Variants in EIPR1 observed in about 807,000 individuals in gnomAD.
EIPR1 encodes the protein EARP complex and GARP complex interacting protein 1.
A neutral mutation model predicts 48.1 loss-of-function variants in EIPR1; 25 were observed. The ratio of observed to expected loss-of-function variants is 0.52; its 90% CI spans 0.38 to 0.73. The LOEUF (loss-of-function observed/expected upper bound fraction) is 0.73, where lower values mean the gene tolerates loss of function less well. Among genes scored for constraint, EIPR1 ranks in the 30% least tolerant of loss-of-function variants. EIPR1 has a pLI of 0.00. For missense variants in EIPR1, 415 were observed against 506.2 expected, an observed-to-expected ratio of 0.82 and a Z score of 1.73; for synonymous variants, 204 against 201.9, an observed-to-expected ratio of 1.01 and a Z score of -0.09.
At chr2:3,202,232 C>T (rs367643717) in intron 5 of EIPR1, among the ~76,000 whole-genome samples, 17 of 152,364 alleles carry the variant, frequency 1.1e-4, no homozygotes, top group African/African-American at 3.1e-4. Context: ...CCACCGCACC[C>T]GGCCTAGGTT....
intron 3 of EIPR1, among the ~76,000 whole-genome samples, chr2:3,268,715 G>A (rs76834046): frequency 0.049 from 7,428 of 152,180 alleles, 592 homozygotes; most frequent in African/African-American, 0.17. Flanking sequence ...GGAAGCTTTG[G>A]GCACCTCAGA....
chr2:3,249,981 G>T (rs541963226), intron 4 of EIPR1, among the ~76,000 whole-genome samples: 1 of 152,350 alleles, frequency 6.6e-6, no homozygotes, highest in South Asian at 2.1e-4. Flanking sequence ...GGAAAGCCTG[G>T]GTGCCCAGGC....
At chr2:3,214,280 T>G in intron 4 of EIPR1, 32 bp from the exon 5 acceptor site, 4 of 1,587,030 alleles carry the variant, frequency 2.5e-6, no homozygotes, top group Non-Finnish European at 3.5e-6. Context: ...AATGTTAACA[T>G]AAACATTTGA....
At chr2:3,275,182 G>A (rs1466116356) in intron 3 of EIPR1, among the ~76,000 whole-genome samples, 1 of 151,560 alleles carries the variant, frequency 6.6e-6, no homozygotes, top group African/African-American at 2.4e-5. Flanking sequence ...TCCCTAAAAC[G>A]TAATGACACA....
chr2:3,337,124 A>AAGGGAAGGGAAC (rs1336983235), intron 3 of EIPR1, among the ~76,000 whole-genome samples: 2 of 150,192 alleles, frequency 1.3e-5, no homozygotes, highest in Non-Finnish European at 3.0e-5. Flanking sequence ...GAAAAGGGAA[A>AAGGGAAGGGAAC]AGGGAAGGGA....
chr2:3,343,146 C>T (rs2103358864), intron 2 of EIPR1, among the ~76,000 whole-genome samples: 1 of 152,324 alleles, frequency 6.6e-6, no homozygotes, highest in Admixed American at 6.5e-5. Context: ...AGCCCCTGGT[C>T]CTGGCATGCG....
At chr2:3,358,461 C>T (rs981540758) in intron 1 of EIPR1, among the ~76,000 whole-genome samples, 12 of 152,094 alleles carry the variant, frequency 7.9e-5, no homozygotes, top group Admixed American at 7.9e-4. Flanking sequence ...AGCAACATTC[C>T]CATGATTAGA....
chr2:3,293,360 G>C (rs1018608421), intron 3 of EIPR1, among the ~76,000 whole-genome samples: 53 of 152,160 alleles, frequency 3.5e-4, no homozygotes, highest in African/African-American at 1.2e-3. Context: ...GGAAGACAGA[G>C]GGAAATGCTG....
chr2:3,306,291 C>G (rs12469472), intron 3 of EIPR1, among the ~76,000 whole-genome samples: 27,605 of 152,202 alleles, frequency 0.18, 3,059 homozygotes, highest in Non-Finnish European at 0.25. Flanking sequence ...CTCTTTTCCC[C>G]CCTTCTGTTT....
chr2:3,295,077 C>T (rs1668509400), intron 3 of EIPR1, among the ~76,000 whole-genome samples: 2 of 145,958 alleles, frequency 1.4e-5, no homozygotes, highest in African/African-American at 5.1e-5. Context: ...ACACCTCCAT[C>T]CAGCCCATCC....
intron 3 of EIPR1, among the ~76,000 whole-genome samples, chr2:3,274,084 A>T (rs1053721451): frequency 6.6e-6 from 1 of 152,182 alleles, no homozygotes; most frequent in African/African-American, 2.4e-5. Context: ...AATCATTTGG[A>T]ATAAAGATGT....
At chr2:3,319,702 T>TGCGG (rs879560920) in intron 3 of EIPR1, 12,060 of 177,886 alleles carry the variant, frequency 0.068, 772 homozygotes, top group Non-Finnish European at 0.086. Flanking sequence ...ACACCACCCC[T>TGCGG]GCAGGCAACA....
At chr2:3,355,649 AAAAT>A (rs1343252909) in intron 1 of EIPR1, among the ~76,000 whole-genome samples, 1 of 144,770 alleles carries the variant, frequency 6.9e-6, no homozygotes, top group Admixed American at 7.4e-5. Context: ...CTATCTCTGC[AAAAT>A]AAATTGTAAA....
At chr2:3,194,971 TCA>T (rs1211782020) in intron 6 of EIPR1, among the ~76,000 whole-genome samples, 1 of 152,332 alleles carries the variant, frequency 6.6e-6, no homozygotes, top group East Asian at 1.9e-4. Flanking sequence ...GTTCTCACAC[TCA>T]CGCGTGCATC....
chr2:3,343,111 GAC>G (rs2103358809), intron 2 of EIPR1, among the ~76,000 whole-genome samples: 1 of 152,318 alleles, frequency 6.6e-6, no homozygotes, highest in Non-Finnish European at 1.5e-5. Context: ...CCTCCAGTTA[GAC>G]ACGGCACAGC....
intron 4 of EIPR1, among the ~76,000 whole-genome samples, chr2:3,229,394 G>A (rs1387655412): frequency 2.0e-5 from 3 of 152,110 alleles, no homozygotes; most frequent in African/African-American, 7.2e-5. Context: ...TCTTTCCAGG[G>A]CAATAACACC....
At chr2:3,293,050 G>A (rs779857782) in intron 3 of EIPR1, among the ~76,000 whole-genome samples, 7 of 152,184 alleles carry the variant, frequency 4.6e-5, no homozygotes, top group Non-Finnish European at 7.3e-5. Context: ...CTGCACCCAT[G>A]TGCATTCTCC....
At position 3,332,463 on chromosome 2, in the gene EIPR1, T is replaced by C. The variant is rs528131905; in HGVS notation, c.259+5554A>G. ...CAGCCTCTCAGGGCTCCAGGTCCAA[T>C]TGAGACCTGAAGGTTGTGCTGTTAT... On this transcript the variant is annotated intron_variant, in intron 3 of 8. Coordinates refer to ENST00000382125, the MANE Select transcript of EIPR1 (RefSeq NM_003310.5). 3.9e-5 allele frequency among the ~76,000 whole-genome samples: 6 copies of C among 152,328 alleles called. No homozygotes were observed. The South Asian group carries it at 8.3e-4, about 21-fold the overall frequency.
chr2:3,201,584 C>T (rs1170055786), intron 5 of EIPR1, among the ~76,000 whole-genome samples: 2 of 152,164 alleles, frequency 1.3e-5, no homozygotes, highest in African/African-American at 2.4e-5. Context: ...ACAGCAAGCT[C>T]CAAGGAACCA....
Sources: allele counts gnomAD v4.1 joint callset (sites outside exome capture counted in the v4.1 genomes callset), GRCh38; gene constraint gnomAD v4.1.1; transcripts MANE v1.5; gene names NCBI Gene and HGNC (gene_info 2026-07-23, HGNC 2026-07-21).